OSBPL11: variants seen among roughly 807,000 people sequenced by gnomAD.
OSBPL11 encodes oxysterol binding protein like 11, also known as oxysterol-binding protein-related protein 11.
A neutral mutation model predicts 84.4 loss-of-function variants in OSBPL11; 33 were observed. The observed-to-expected ratio is 0.39, with a 90% CI of 0.30 to 0.52. The LOEUF (loss-of-function observed/expected upper bound fraction) is 0.52, where lower values mean the gene tolerates loss of function less well. Ranked by LOEUF, OSBPL11 falls within the 20% of genes least tolerant of loss-of-function variation. The pLI is 0.72. For missense variants in OSBPL11, 736 were observed against 901.1 expected (o/e 0.82, Z 2.35); for synonymous variants, 276 against 310.2 (o/e 0.89, Z 1.16).
In OSBPL11 at chr3:125,529,746, T is replaced by A. The variant is rs1935529594; in HGVS notation, c.*769A>T. The A allele has an allele frequency of 6.6e-6, 1 of 152,626 alleles. No individual in the cohort carries two copies. The highest frequency in any genetic ancestry group is 2.4e-5 in the African/African-American group (1 of 41,460). 9.5% of individuals were successfully genotyped at this position (152,626 alleles called of 1,614,324 possible). On this transcript the variant is annotated 3_prime_UTR_variant, in exon 13 of 13. Transcript: ENST00000296220. ...GACATTAACACATTTTTAAAAAGTG[T>A]CTCTCAAGTGTAATATTTAATAAAA...
intron 10 of OSBPL11, among the ~76,000 whole-genome samples, chr3:125,546,151 C>CT: frequency 6.8e-6 from 1 of 146,106 alleles, no homozygotes; most frequent in Non-Finnish European, 1.5e-5. Context: ...ATAGGAAAGT[C>CT]TATTTCGTTT....
At chr3:125,572,639 C>T (rs1213676182) in intron 5 of OSBPL11, among the ~76,000 whole-genome samples, 1 of 151,908 alleles carries the variant, frequency 6.6e-6, no homozygotes, top group Non-Finnish European at 1.5e-5. Context: ...TCTCCCTTTG[C>T]CTGCTGCCAT....
chr3:125,541,588 T>C (rs1250547598), intron 10 of OSBPL11, among the ~76,000 whole-genome samples: 1 of 152,118 alleles, frequency 6.6e-6, no homozygotes, highest in Non-Finnish European at 1.5e-5. Flanking sequence ...TCTGTATTAT[T>C]TTTTTTGGAG....
In OSBPL11 at chr3:125,530,506, T is replaced by C. The variant is rs773157655; in HGVS notation, c.*9A>G. 1.2e-6 allele frequency: 2 copies of C among 1,612,444 alleles called. No individual in the cohort carries two copies. The highest frequency in any genetic ancestry group is 1.7e-6 in the Non-Finnish European group (2 of 1,178,506). On this transcript the variant is annotated 3_prime_UTR_variant, in exon 13 of 13. Coordinates refer to ENST00000296220, the MANE Select transcript of OSBPL11 (RefSeq NM_022776.5). ...GAACCTCATTTGGTCGAGTTTTAGATAGTATGTGTCACTCTGCTGGTTGTG... is the reference window on the plus strand; with the variant it reads ...GAACCTCATTTGGTCGAGTTTTAGACAGTATGTGTCACTCTGCTGGTTGTG...
intron 8 of OSBPL11, among the ~76,000 whole-genome samples, chr3:125,553,122 A>G (rs1479751434): frequency 6.6e-6 from 1 of 152,224 alleles, no homozygotes; most frequent in East Asian, 1.9e-4. Flanking sequence ...AACAACAACA[A>G]CAAAAAAGCA....
chr3:125,536,229 T>G (rs1355029814), intron 11 of OSBPL11, among the ~76,000 whole-genome samples: 1 of 152,178 alleles, frequency 6.6e-6, no homozygotes, highest in African/African-American at 2.4e-5. Flanking sequence ...TCTTTCATAC[T>G]GTTTCAAAAC....
chr3:125,543,201 G>A (rs1161901798), intron 10 of OSBPL11, among the ~76,000 whole-genome samples: 2 of 140,596 alleles, frequency 1.4e-5, no homozygotes, highest in Non-Finnish European at 3.0e-5. Flanking sequence ...GTGCAATATC[G>A]GCTCACTGCA....
At chr3:125,534,017 G>A (rs1198729034) in intron 11 of OSBPL11, among the ~76,000 whole-genome samples, 2 of 152,160 alleles carry the variant, frequency 1.3e-5, no homozygotes, top group African/African-American at 2.4e-5. Flanking sequence ...TGTGGAGACA[G>A]AGTTTTGCCA....
intron 5 of OSBPL11, among the ~76,000 whole-genome samples, chr3:125,570,350 GAAAGAAA>G (rs1936225210): frequency 6.8e-6 from 1 of 146,256 alleles, no homozygotes; most frequent in Non-Finnish European, 1.5e-5. Flanking sequence ...AAAAAAGAAA[GAAAGAAA>G]AAAGAAAAAA....
chr3:125,564,593 A>C (rs1442092651), intron 6 of OSBPL11, among the ~76,000 whole-genome samples: 1 of 152,034 alleles, frequency 6.6e-6, no homozygotes, highest in African/African-American at 2.4e-5. Flanking sequence ...TTGGTTATAG[A>C]GTGCTATAAT....
At chr3:125,561,142 C>T (rs1464927932) in intron 7 of OSBPL11, among the ~76,000 whole-genome samples, 1 of 152,010 alleles carries the variant, frequency 6.6e-6, no homozygotes, top group Non-Finnish European at 1.5e-5. Context: ...GGACTACAGG[C>T]ATACACCACC....
At chr3:125,590,875 A>G (rs1268369125) in intron 1 of OSBPL11, among the ~76,000 whole-genome samples, 1 of 152,172 alleles carries the variant, frequency 6.6e-6, no homozygotes, top group Non-Finnish European at 1.5e-5. Context: ...GTAAATATCT[A>G]TCTAGAAATA....
At chr3:125,554,563 G>C (rs1935961088) in intron 8 of OSBPL11, among the ~76,000 whole-genome samples, 1 of 151,924 alleles carries the variant, frequency 6.6e-6, no homozygotes, top group Non-Finnish European at 1.5e-5. Flanking sequence ...TGATTTCTGA[G>C]AAAACCTCTA....
intron 10 of OSBPL11, among the ~76,000 whole-genome samples, chr3:125,546,834 C>A (rs1302942409): frequency 6.6e-6 from 1 of 151,874 alleles, no homozygotes; most frequent in Non-Finnish European, 1.5e-5. Flanking sequence ...CTGCAAGGAG[C>A]CAAGATTGTG....
chr3:125,563,386 CAT>C (rs1372991041), intron 7 of OSBPL11, among the ~76,000 whole-genome samples: 4 of 151,952 alleles, frequency 2.6e-5, no homozygotes, highest in Non-Finnish European at 5.9e-5. Context: ...AAGAGACAAA[CAT>C]TGTGCAAATC....
At chr3:125,547,682 T>A (rs1391586365) in intron 9 of OSBPL11, 90 bp from the exon 10 acceptor site, 1 of 993,486 alleles carries the variant, frequency 1.0e-6, no homozygotes, top group African/African-American at 1.7e-5. Context: ...GTCTAGTAAA[T>A]AAGCATCATT....
chr3:125,540,646 C>A (rs572942672), intron 10 of OSBPL11, among the ~76,000 whole-genome samples: 1 of 152,136 alleles, frequency 6.6e-6, no homozygotes, highest in African/African-American at 2.4e-5. Flanking sequence ...CACATACACC[C>A]GGAATGATAT....
intron 5 of OSBPL11, 96 bp from the exon 6 acceptor site, chr3:125,567,691 C>A (rs1936180967): frequency 9.5e-7 from 1 of 1,056,418 alleles, no homozygotes; most frequent in Non-Finnish European, 1.4e-6. Flanking sequence ...AGCTTCTGAG[C>A]CATTTTTAAA....
rs1936374906 is a variant in OSBPL11, at chr3:125,578,872, T to A, written c.489+88A>T. On this transcript the variant is annotated intron_variant, in intron 4 of 12. Coordinates refer to ENST00000296220, the MANE Select transcript of OSBPL11 (RefSeq NM_022776.5). ...TTAAAAGGGTGAATTTTACGGTATA[T>A]GAATAGTATCTCAATTTTAAAAGGC... The A allele has an allele frequency of 1.9e-5, 14 of 746,662 alleles. 1 individual carries two copies. The South Asian group carries it at 3.2e-4, about 17-fold the overall frequency. The allele number at this position is 746,662 out of a possible 1,614,324, so 46.3% of individuals were successfully genotyped here.
Sources: allele counts gnomAD v4.1 joint callset (sites outside exome capture counted in the v4.1 genomes callset), GRCh38; gene constraint gnomAD v4.1.1; transcripts MANE v1.5; gene names NCBI Gene and HGNC (gene_info 2026-07-23, HGNC 2026-07-21).